The following SCEL variants were observed in gnomAD, a reference collection of about 807,000 sequenced individuals.
The protein encoded by SCEL is sciellin.
SCEL carries 113 observed loss-of-function variants against 117.6 expected under a neutral mutation model. The ratio of observed to expected loss-of-function variants is 0.96; its 90% confidence interval spans 0.83 to 1.12. SCEL has a LOEUF of 1.12. Among genes scored for constraint, SCEL ranks in the 50% most tolerant of loss-of-function variants. SCEL has a pLI of 0.00. For missense variants in SCEL, 785 were observed against 810.8 expected (o/e 0.97, Z 0.39); for synonymous variants, 270 against 256.2 (o/e 1.05, Z -0.51).
intron 1 of SCEL, among the ~76,000 whole-genome samples, chr13:77,546,589 T>C (rs2154394590): frequency 6.6e-6 from 1 of 152,234 alleles, no homozygotes. Context: ...ACACATATCT[T>C]TTGTAGACTC....
chr13:77,550,408 A>G (rs955362158), intron 1 of SCEL, among the ~76,000 whole-genome samples: 1 of 146,746 alleles, frequency 6.8e-6, no homozygotes, highest in Non-Finnish European at 1.5e-5. Flanking sequence ...ATATATATAT[A>G]TATATTATAT....
intron 11 of SCEL, among the ~76,000 whole-genome samples, chr13:77,593,300 G>GTGTGTGCGCGCATC (rs1555510797): frequency 6.9e-6 from 1 of 145,148 alleles, no homozygotes; most frequent in African/African-American, 2.6e-5. Flanking sequence ...GTGTGTGTCT[G>GTGTGTGCGCGCATC]TGTGTGTGTG....
chr13:77,631,006 T>C (rs1035708151), intron 28 of SCEL, among the ~76,000 whole-genome samples: 1 of 152,204 alleles, frequency 6.6e-6, no homozygotes, highest in African/African-American at 2.4e-5. Context: ...AATCACCTGC[T>C]ATTCTAGGGA....
At chr13:77,642,305 G>T (rs1310454061) in intron 31 of SCEL, among the ~76,000 whole-genome samples, 1 of 152,134 alleles carries the variant, frequency 6.6e-6, no homozygotes, top group Non-Finnish European at 1.5e-5. Context: ...TTTAAGGTCA[G>T]CCAATCAGCA....
At chr13:77,602,850 A>G (rs2087814502) in intron 17 of SCEL, 137 bp downstream of exon 17, 2 of 712,596 alleles carry the variant, frequency 2.8e-6, no homozygotes, top group Admixed American at 2.8e-5. Flanking sequence ...ACTTCAAAGA[A>G]TCTACAGTAT....
intron 20 of SCEL, 30 bp from the exon 21 acceptor site, chr13:77,609,028 T>G: frequency 6.7e-7 from 1 of 1,501,390 alleles, no homozygotes; most frequent in Non-Finnish European, 9.1e-7. Context: ...CCATTTTTAT[T>G]TATGATGTTT....
At chr13:77,561,746 A>G (rs1324601433) in intron 4 of SCEL, among the ~76,000 whole-genome samples, 1 of 152,236 alleles carries the variant, frequency 6.6e-6, no homozygotes, top group East Asian at 1.9e-4. Context: ...ATGGGAATAG[A>G]AAAGAGGGGA....
At chr13:77,559,725 C>T (rs2084865641) in intron 3 of SCEL, 79 bp from the exon 4 acceptor site, 1 of 1,285,676 alleles carries the variant, frequency 7.8e-7, no homozygotes, top group Admixed American at 1.9e-5. Context: ...GGGAGCTCGC[C>T]CGCATGTCTC....
chr13:77,604,434 C>T lies in SCEL; in HGVS notation c.1157+19C>T. 3.9e-6 allele frequency: 6 copies of T among 1,554,124 alleles called. No homozygotes were observed. The highest frequency in any genetic ancestry group is 5.2e-6 in the Non-Finnish European group (6 of 1,156,688). ...TTACGAGGTAAGACATTTAAAGCTC[C>T]CCCCTCCCCTTTGTTTGGCATTTAG... On this transcript the variant is annotated intron_variant, in intron 19 of 32. Coordinates refer to ENST00000349847, the MANE Select transcript of SCEL (RefSeq NM_144777.3).
Position 77,602,727 on chromosome 13 carries a change from A to G in SCEL, c.1037+14A>G. On this transcript the variant is annotated intron_variant, in intron 17 of 32. Transcript: ENST00000349847. ...AACGAGCAGAAGGTGAGAACTGAAC[A>G]GATGTCTCTAAATATTGGTTATTTT... 2 of 1,606,172 alleles carry G rather than the reference A, an allele frequency of 1.2e-6. No individual in the cohort carries two copies. The highest frequency in any genetic ancestry group is 1.7e-6 in the Non-Finnish European group (2 of 1,173,316).
At chr13:77,597,932 A>T (rs2087349288) in intron 13 of SCEL, among the ~76,000 whole-genome samples, 1 of 152,006 alleles carries the variant, frequency 6.6e-6, no homozygotes, top group South Asian at 2.1e-4. Context: ...CATTACAAAA[A>T]ACATTTTATT....
At chr13:77,571,856 G>A (rs676652) in intron 8 of SCEL, among the ~76,000 whole-genome samples, 141,137 of 152,042 alleles carry the variant, frequency 0.93, 65,548 homozygotes, top group South Asian at 0.96. Context: ...AATTGTCATT[G>A]TTTTCTAGAT....
At chr13:77,630,791 A>G (rs1335774335) in intron 28 of SCEL, among the ~76,000 whole-genome samples, 2 of 152,220 alleles carry the variant, frequency 1.3e-5, no homozygotes, top group Non-Finnish European at 2.9e-5. Context: ...TGCTTAATTA[A>G]GAAACAAAAC....
chr13:77,569,555 T>C (rs2085480756), intron 8 of SCEL, 104 bp downstream of exon 8: 1 of 794,514 alleles, frequency 1.3e-6, no homozygotes, highest in Non-Finnish European at 2.0e-6. Context: ...TACATTCTGC[T>C]GTTCCCAAAC....
chr13:77,640,053 C>A (rs887317002), intron 30 of SCEL, among the ~76,000 whole-genome samples: 2 of 151,754 alleles, frequency 1.3e-5, no homozygotes, highest in African/African-American at 4.8e-5. Context: ...CTTTTCTTCC[C>A]CATCAAATTT....
intron 27 of SCEL, among the ~76,000 whole-genome samples, chr13:77,618,791 C>A (rs945860425): frequency 6.6e-6 from 1 of 152,004 alleles, no homozygotes; most frequent in Non-Finnish European, 1.5e-5. Context: ...GAAGTTGAAC[C>A]AAACTAATGG....
chr13:77,634,442 G>A lies in SCEL; in HGVS notation c.1755G>A (p.Val585=), dbSNP rs2090177071. The A allele has an allele frequency of 6.2e-7, 1 of 1,609,834 alleles. No individual in the cohort carries two copies. Among genetic ancestry groups the A allele is most frequent in the East Asian group, 2.2e-5 (1 of 44,768 alleles). Residue 585 remains valine, a synonymous_variant, in exon 29 of 33, where the codon GTG becomes GTA. Transcript: ENST00000349847. ...QDTVVYTRTY[V]ENSKSPKDGY... is the part of the protein sequence containing the mutation. ...CTGTTGTGTACACAAGGACATATGT[G>A]GAGAATAGGTATTCAAAATTTATTT...
At chr13:77,595,456 G>GT (rs889481165) in intron 12 of SCEL, among the ~76,000 whole-genome samples, 4 of 152,124 alleles carry the variant, frequency 2.6e-5, no homozygotes, top group African/African-American at 9.7e-5. Flanking sequence ...GAAAGCTTAA[G>GT]TTTTTTATTT....
intron 19 of SCEL, among the ~76,000 whole-genome samples, chr13:77,606,085 C>T (rs2088153183): frequency 6.6e-6 from 1 of 152,110 alleles, no homozygotes; most frequent in South Asian, 2.1e-4. Context: ...TGCATGCATA[C>T]AAATGTTTTT....
Sources: allele counts gnomAD v4.1 joint callset (sites outside exome capture counted in the v4.1 genomes callset), GRCh38; gene constraint gnomAD v4.1.1; transcripts MANE v1.5; gene names NCBI Gene and HGNC (gene_info 2026-07-23, HGNC 2026-07-21).